GYG2: variants seen among roughly 807,000 people sequenced by gnomAD.
GYG2 encodes the protein glycogenin 2.
Under a neutral mutation model 29.4 loss-of-function variants are expected in GYG2, and 29 were observed. The ratio of observed to expected loss-of-function variants is 0.99; its 90% CI spans 0.74 to 1.35. The LOEUF is 1.35. GYG2 is among the 40% of genes most tolerant of loss of function. GYG2 has a pLI of 0.00. For missense variants in GYG2, 370 were observed against 385.7 expected (o/e 0.96, Z 0.34); for synonymous variants, 167 against 172.3 (o/e 0.97, Z 0.24).
intron 2 of GYG2, among the ~76,000 whole-genome samples, chrX:2,836,605 C>T (rs554312886): frequency 7.1e-4 from 72 of 101,134 alleles, no homozygotes; most frequent in South Asian, 7.0e-3. Flanking sequence ...CCAGGAGTTC[C>T]GGGCTTCAGT....
intron 2 of GYG2, among the ~76,000 whole-genome samples, chrX:2,836,673 C>CAAA (rs571518086): frequency 2.1e-5 from 1 of 47,872 alleles, no homozygotes; most frequent in Non-Finnish European, 3.9e-5. Flanking sequence ...AAGACCCTGT[C>CAAA]AAAAAAAAAA....
chrX:2,843,785 A>G (rs2087559918), intron 3 of GYG2, among the ~76,000 whole-genome samples: 1 of 110,838 alleles, frequency 9.0e-6, no homozygotes, highest in Admixed American at 9.7e-5. Context: ...ATGTGCCCCC[A>G]TGCTCGGCTA....
In GYG2 at chrX:2,844,636, GTA is replaced by G. The variant is rs1376872089; in HGVS notation, c.149+1286_149+1287del. Among the ~76,000 whole-genome samples the G allele has an allele frequency of 9.7e-4, 17 of 17,471 alleles. 1 individual carries two copies. Among genetic ancestry groups the G allele is most frequent in the African/African-American group, 1.1e-3 (3 of 2,798 alleles). The allele number at this position is 17,471 out of a possible 115,157, so 15.2% of individuals were successfully genotyped here. A position where few individuals can be genotyped will look rare whatever the true frequency, so the allele number is the denominator to read the frequency against. ...TATATGTGTATACGCACACGCATGC[GTA>G]TATGTGTATACGCACACGCATGCGT... is the stretch of plus-strand genomic sequence containing the variant. On this transcript the variant is annotated intron_variant, in intron 3 of 10. Coordinates refer to ENST00000398806, the MANE Select transcript of GYG2 (RefSeq NM_001079855.2).
chrX:2,846,476 A>G (rs2087740952), intron 3 of GYG2, among the ~76,000 whole-genome samples: 1 of 111,290 alleles, frequency 9.0e-6, no homozygotes, highest in African/African-American at 3.3e-5. Flanking sequence ...AAACAAATTC[A>G]AGGATTAGGT....
chrX:2,867,223 G>C (rs930263779), intron 8 of GYG2, among the ~76,000 whole-genome samples: 6 of 111,452 alleles, frequency 5.4e-5, no homozygotes, highest in African/African-American at 1.6e-4. Flanking sequence ...TGCAGAACCT[G>C]TATCTCCCAT....
chrX:2,863,204 A>T (rs774655217), intron 8 of GYG2, among the ~76,000 whole-genome samples: 1 of 109,063 alleles, frequency 9.2e-6, no homozygotes, highest in Non-Finnish European at 1.9e-5. Context: ...CCTCCCGAGT[A>T]GCTGGGACTG....
intron 8 of GYG2, among the ~76,000 whole-genome samples, chrX:2,873,404 G>A (rs1383398990): frequency 8.9e-6 from 1 of 111,944 alleles, no homozygotes; most frequent in African/African-American, 3.2e-5. Flanking sequence ...ATAAAAATTG[G>A]TGTGTATTTA....
chrX:2,838,759 C>T (rs2087434176), intron 2 of GYG2, among the ~76,000 whole-genome samples: 1 of 104,925 alleles, frequency 9.5e-6, no homozygotes, highest in South Asian at 4.1e-4. Flanking sequence ...ATTTCGTTTT[C>T]ATTTCAGCAA....
rs377320038 is a variant in GYG2 at position 2,881,215 on chromosome X, C to A, written c.*2C>A. ...AAGCTGGACCGGTTCCTGCAGTAAT[C>A]CGGCAGCTGGTGGGCGTTGTGTGTA... On this transcript the variant is annotated 3_prime_UTR_variant, in exon 11 of 11. Transcript: ENST00000398806. The A allele has an allele frequency of 2.6e-6, 3 of 1,173,833 alleles. No individual in the cohort carries two copies. Among genetic ancestry groups the A allele is most frequent in the African/African-American group, 3.5e-5 (2 of 56,583 alleles).
At chrX:2,848,277 G>C (rs1409211898) in intron 3 of GYG2, among the ~76,000 whole-genome samples, 1 of 111,370 alleles carries the variant, frequency 9.0e-6, no homozygotes, top group East Asian at 2.8e-4. Context: ...GGTACCTCAC[G>C]CCTGTAATCC....
chrX:2,846,268 C>T (rs2087735660), intron 3 of GYG2, among the ~76,000 whole-genome samples: 1 of 104,331 alleles, frequency 9.6e-6, no homozygotes, highest in Non-Finnish European at 1.9e-5. Flanking sequence ...GGTTTCACCA[C>T]TTTGCCCAGG....
chrX:2,862,937 G>A (rs149865569), intron 8 of GYG2, among the ~76,000 whole-genome samples: 13,284 of 109,026 alleles, frequency 0.12, 695 homozygotes, highest in Non-Finnish European at 0.17. Context: ...GTGTGCACCT[G>A]TAGTCCCAGC....
intron 3 of GYG2, among the ~76,000 whole-genome samples, chrX:2,845,693 TTATTTATGCATGTGTATGTACATA>T (rs1223601706): frequency 9.6e-5 from 10 of 104,309 alleles, no homozygotes; most frequent in South Asian, 7.8e-4. Flanking sequence ...GTACATACAT[TTATTTATGCATGTGTATGTACATA>T]TATTTATGCA....
intron 3 of GYG2, among the ~76,000 whole-genome samples, chrX:2,848,314 G>A: frequency 9.0e-6 from 1 of 110,843 alleles, no homozygotes; most frequent in East Asian, 2.8e-4. Flanking sequence ...TGAGGTGGAC[G>A]GATCACTTGA....
In GYG2 at chrX:2,843,061, C is replaced by T. The variant is rs759614572; in HGVS notation, c.8-152C>T. ...CTCCTGAGGTCAAGCAATTCACCCA[C>T]CTCAGCCTCCCAAAGTGCTGGAATG... On this transcript the variant is annotated intron_variant, in intron 2 of 10. Transcript: ENST00000398806. The T allele has an allele frequency of 1.5e-5, 8 of 535,531 alleles. No individual in the cohort carries two copies. The highest frequency in any genetic ancestry group is 2.6e-5 in the Admixed American group (1 of 37,924). 44.1% of individuals were successfully genotyped at this position (535,531 alleles called of 1,213,427 possible). A position where few individuals can be genotyped will look rare whatever the true frequency, so the allele number is the denominator to read the frequency against.
At chrX:2,846,071 TTTTTTTTTTTTTTG>T (rs2087728968) in intron 3 of GYG2, among the ~76,000 whole-genome samples, 2 of 36,029 alleles carry the variant, frequency 5.6e-5, no homozygotes, top group African/African-American at 2.1e-4. Flanking sequence ...TTTTTTTTTT[TTTTTTTTTTTTTTG>T]AGACAGAGTC....
At chrX:2,863,884 G>A (rs1467458644) in intron 8 of GYG2, among the ~76,000 whole-genome samples, 1 of 111,415 alleles carries the variant, frequency 9.0e-6, no homozygotes, top group African/African-American at 3.3e-5. Context: ...TGTGCAAAAC[G>A]GCTGCAATTG....
chrX:2,868,425 C>G (rs1365740914), intron 8 of GYG2, among the ~76,000 whole-genome samples: 2 of 100,131 alleles, frequency 2.0e-5, no homozygotes, highest in Non-Finnish European at 4.0e-5. Context: ...CCAGTGCATT[C>G]CAGCCTGGGC....
At chrX:2,835,405 T>A (rs2087352656) in intron 2 of GYG2, among the ~76,000 whole-genome samples, 1 of 112,135 alleles carries the variant, frequency 8.9e-6, no homozygotes, top group African/African-American at 3.2e-5. Context: ...TCAGGTTAAC[T>A]TTGGAATGCC....
Sources: allele counts gnomAD v4.1 joint callset (sites outside exome capture counted in the v4.1 genomes callset), GRCh38; gene constraint gnomAD v4.1.1; transcripts MANE v1.5; gene names NCBI Gene and HGNC (gene_info 2026-07-23, HGNC 2026-07-21).